MAP2: variants seen among roughly 807,000 people sequenced by gnomAD.
MAP2 encodes microtubule associated protein 2.
Under a neutral mutation model 137.6 loss-of-function variants are expected in MAP2, and 14 were observed. The observed-to-expected ratio is 0.10, with a 90% CI of 0.07 to 0.16. The LOEUF is 0.16. Ranked by LOEUF, MAP2 falls within the 10% of genes least tolerant of loss-of-function variation. The pLI is 1.00. For synonymous variants in MAP2, 786 were observed against 782.3 expected (o/e 1.00, Z -0.08); for missense variants, 2,088 against 2,191.5 (o/e 0.95, Z 0.94).
At chr2:209,558,490 C>T (rs951465952) in intron 2 of MAP2, among the ~76,000 whole-genome samples, 1 of 151,884 alleles carries the variant, frequency 6.6e-6, no homozygotes, top group Non-Finnish European at 1.5e-5. Flanking sequence ...CGCCCGGCCA[C>T]ACATTCATTT....
At chr2:209,704,005 T>C (rs1490658631) in intron 11 of MAP2, 3 of 455,828 alleles carry the variant, frequency 6.6e-6, no homozygotes, top group Non-Finnish European at 1.3e-5. Flanking sequence ...TGTGCAGGCT[T>C]GTTACAAGGG....
intron 5 of MAP2, among the ~76,000 whole-genome samples, chr2:209,665,525 T>G (rs918279643): frequency 6.6e-6 from 1 of 152,216 alleles, no homozygotes; most frequent in Non-Finnish European, 1.5e-5. Flanking sequence ...AAATGGGCAA[T>G]CTAAATCTTA....
chr2:209,451,653 A>T (rs925139894), intron 1 of MAP2, among the ~76,000 whole-genome samples: 13 of 152,182 alleles, frequency 8.5e-5, no homozygotes, highest in African/African-American at 3.1e-4. Flanking sequence ...CACTTTTCTA[A>T]TTGGAGCCTG....
At chr2:209,485,080 G>A (rs750074435) in intron 1 of MAP2, among the ~76,000 whole-genome samples, 3 of 152,314 alleles carry the variant, frequency 2.0e-5, no homozygotes, top group South Asian at 4.1e-4. Flanking sequence ...AACTGCTGGA[G>A]CGTGTCTATA....
intron 3 of MAP2, among the ~76,000 whole-genome samples, chr2:209,611,784 T>C (rs1385375966): frequency 6.6e-6 from 1 of 152,066 alleles, no homozygotes; most frequent in East Asian, 1.9e-4. Flanking sequence ...CAAGCACAAC[T>C]GTCTGACACT....
intron 1 of MAP2, among the ~76,000 whole-genome samples, chr2:209,479,271 A>C (rs1160670699): frequency 6.6e-6 from 1 of 152,130 alleles, no homozygotes; most frequent in African/African-American, 2.4e-5. Context: ...TAAAATTAAC[A>C]AAAGAAGGGA....
chr2:209,436,257 G>T (rs1284322133), intron 1 of MAP2, among the ~76,000 whole-genome samples: 1 of 151,064 alleles, frequency 6.6e-6, no homozygotes, highest in Non-Finnish European at 1.5e-5. Flanking sequence ...AATTTTAAAG[G>T]TTTGCATTAA....
At chr2:209,643,707 T>C (rs537689705) in intron 4 of MAP2, among the ~76,000 whole-genome samples, 2 of 152,248 alleles carry the variant, frequency 1.3e-5, no homozygotes, top group South Asian at 2.1e-4. Flanking sequence ...TTTTTAACCA[T>C]GGACAATTGG....
intron 2 of MAP2, among the ~76,000 whole-genome samples, chr2:209,568,623 C>T: frequency 6.6e-6 from 1 of 151,832 alleles, no homozygotes; most frequent in East Asian, 1.9e-4. Context: ...AAAATAGCTC[C>T]TTTTAGTAGT....
chr2:209,525,288 G>A (rs2063856075), intron 2 of MAP2, among the ~76,000 whole-genome samples: 2 of 151,972 alleles, frequency 1.3e-5, no homozygotes, highest in African/African-American at 4.8e-5. Flanking sequence ...TTAATATAGA[G>A]ATTAATTTTT....
intron 5 of MAP2, chr2:209,661,745 T>G (rs1291663421): frequency 1.1e-6 from 1 of 931,494 alleles, no homozygotes; most frequent in African/African-American, 1.8e-5. Flanking sequence ...TTGTGGGGAT[T>G]AGCTTCAATC....
At chr2:209,717,800 G>T (rs2068332038) in intron 13 of MAP2, among the ~76,000 whole-genome samples, 2 of 152,140 alleles carry the variant, frequency 1.3e-5, no homozygotes, top group African/African-American at 4.8e-5. Context: ...CATGGTCTCT[G>T]CAATCTAGGC....
chr2:209,535,540 T>C (rs2065823919), intron 2 of MAP2, among the ~76,000 whole-genome samples: 1 of 150,582 alleles, frequency 6.6e-6, no homozygotes, highest in Non-Finnish European at 1.5e-5. Context: ...AGCCTTCCCT[T>C]GCAGTCTGGC....
intron 1 of MAP2, among the ~76,000 whole-genome samples, chr2:209,494,541 A>G (rs1309792289): frequency 5.3e-5 from 8 of 152,106 alleles, no homozygotes; most frequent in Non-Finnish European, 8.8e-5. Flanking sequence ...CAGTTTACAA[A>G]TCCCATGGCA....
chr2:209,692,486 A>G, intron 7 of MAP2, 139 bp from the exon 8 acceptor site: 2 of 856,942 alleles, frequency 2.3e-6, no homozygotes, highest in Non-Finnish European at 1.7e-6. Flanking sequence ...ATTGACTTTT[A>G]CATGGGTAGC....
intron 3 of MAP2, among the ~76,000 whole-genome samples, chr2:209,593,176 T>A (rs948568048): frequency 1.1e-4 from 17 of 152,132 alleles, no homozygotes; most frequent in Non-Finnish European, 2.2e-4. Context: ...TTAAAGTATG[T>A]AAATAACATT....
intron 7 of MAP2, among the ~76,000 whole-genome samples, chr2:209,685,587 C>A (rs1295062111): frequency 2.6e-5 from 4 of 152,128 alleles, no homozygotes; most frequent in African/African-American, 9.7e-5. Flanking sequence ...GAAGATTGGA[C>A]TTTGCCAGAC....
At chr2:209,651,341 G>T (rs1054622804) in intron 4 of MAP2, among the ~76,000 whole-genome samples, 2 of 152,114 alleles carry the variant, frequency 1.3e-5, no homozygotes, top group African/African-American at 4.8e-5. Context: ...CACAATATCT[G>T]GGGACGGATT....
At position 209,591,841 on chromosome 2, in the gene MAP2, TGTTAG is replaced by T. The variant is rs142064716; in HGVS notation, c.-107+11746_-107+11750del. Among the ~76,000 whole-genome samples the T allele has an allele frequency of 6.6e-5, 10 of 152,334 alleles. No homozygotes were observed. The East Asian group carries it at 1.9e-3, about 29-fold the overall frequency. Reference sequence around the variant, plus strand: ...ACACTTTCTCCCTCTCCCCTCTATTTGTTAGGTTATTATAATTTTTATATTGTCAA... The same window carrying T: ...ACACTTTCTCCCTCTCCCCTCTATTTGTTATTATAATTTTTATATTGTCAA... On this transcript the variant is annotated intron_variant, in intron 3 of 15. Coordinates refer to ENST00000682079, the MANE Select transcript of MAP2 (RefSeq NM_001375505.1).
Sources: gnomAD v4.1 joint callset for allele counts (sites outside exome capture counted in the v4.1 genomes callset) on GRCh38, gnomAD v4.1.1 for gene constraint, MANE v1.5 for transcripts, NCBI Gene and HGNC (gene_info 2026-07-23, HGNC 2026-07-21) for gene names.